The following GPC6 variants were observed in gnomAD, a reference collection of about 807,000 sequenced individuals.
GPC6 encodes glypican 6.
Under a neutral mutation model 55.2 loss-of-function variants are expected in GPC6, and 14 were observed. The observed-to-expected ratio is 0.25, with a 90% CI of 0.17 to 0.40. GPC6 has a LOEUF of 0.40. GPC6 is among the 10% of genes least tolerant of loss of function. The pLI is 1.00. For missense variants in GPC6, 641 were observed against 708.5 expected, an observed-to-expected ratio of 0.90 and a Z score of 1.08; for synonymous variants, 278 against 259.6, an observed-to-expected ratio of 1.07 and a Z score of -0.68.
At chr13:93,773,905 T>A (rs897544442) in intron 2 of GPC6, among the ~76,000 whole-genome samples, 1 of 152,190 alleles carries the variant, frequency 6.6e-6, no homozygotes, top group Admixed American at 6.5e-5. Context: ...AGAGATTTTA[T>A]AGCAGTACGT....
At chr13:93,974,877 G>T (rs1258219513) in intron 3 of GPC6, among the ~76,000 whole-genome samples, 1 of 152,076 alleles carries the variant, frequency 6.6e-6, no homozygotes, top group Admixed American at 6.6e-5. Context: ...TGTAGGCACT[G>T]CTTTTATCCT....
rs539649324 is a variant in GPC6 at position 93,517,901 on chromosome 13, T to C, written c.161-27362T>C. On this transcript the variant is annotated intron_variant, in intron 1 of 8. Coordinates refer to ENST00000377047, the MANE Select transcript of GPC6 (RefSeq NM_005708.5). Reference sequence around the variant, plus strand: ...CTATTCAATGCTTAAAATCAGTGGCTATTTTTCCTTTTCAGCAAATCTCTC... The same window carrying C: ...CTATTCAATGCTTAAAATCAGTGGCCATTTTTCCTTTTCAGCAAATCTCTC... Among the ~76,000 whole-genome samples the C allele has an allele frequency of 3.3e-5, 5 of 152,178 alleles. No homozygotes were observed. In the East Asian group the frequency reaches 9.6e-4, roughly 29 times the overall value.
chr13:93,398,223 G>A (rs551351619), intron 1 of GPC6, among the ~76,000 whole-genome samples: 2 of 152,162 alleles, frequency 1.3e-5, no homozygotes, highest in African/African-American at 2.4e-5. Flanking sequence ...AAGCAAAAAC[G>A]TATGTTCTTT....
intron 4 of GPC6, among the ~76,000 whole-genome samples, chr13:94,042,944 G>T (rs1336221535): frequency 6.6e-6 from 1 of 151,492 alleles, no homozygotes; most frequent in African/African-American, 2.4e-5. Context: ...ATTTATATCG[G>T]TATGAGCTCA....
At chr13:93,446,079 G>C (rs1877985370) in intron 1 of GPC6, among the ~76,000 whole-genome samples, 1 of 152,044 alleles carries the variant, frequency 6.6e-6, no homozygotes. Context: ...AAATCTTCTT[G>C]GGTTTATGAC....
At chr13:94,048,667 G>A (rs1883820913) in intron 4 of GPC6, among the ~76,000 whole-genome samples, 1 of 151,914 alleles carries the variant, frequency 6.6e-6, no homozygotes, top group African/African-American at 2.4e-5. Context: ...AACTTAGTAG[G>A]GGACAAGAAA....
chr13:93,476,582 G>A (rs980546201), intron 1 of GPC6, among the ~76,000 whole-genome samples: 5 of 152,146 alleles, frequency 3.3e-5, no homozygotes, highest in African/African-American at 4.8e-5. Flanking sequence ...GGTGGATAGA[G>A]TTCTTAATAC....
rs543315425 is a variant in GPC6, at chr13:93,607,740, T to C, written c.319+62319T>C. 7.2e-5 allele frequency among the ~76,000 whole-genome samples: 11 copies of C among 152,280 alleles called. No individual in the cohort carries two copies. In the South Asian group the frequency reaches 2.3e-3, roughly 32 times the overall value. ...TAGCGTTCAATTTTCACAGCCTTCATCACCACTGCCCTGTGTGGCTTCAAA... is the reference window on the plus strand; with the variant it reads ...TAGCGTTCAATTTTCACAGCCTTCACCACCACTGCCCTGTGTGGCTTCAAA... On this transcript the variant is annotated intron_variant, in intron 2 of 8. Coordinates refer to ENST00000377047, the MANE Select transcript of GPC6 (RefSeq NM_005708.5).
chr13:93,290,431 A>C (rs1878280931), intron 1 of GPC6, among the ~76,000 whole-genome samples: 1 of 152,128 alleles, frequency 6.6e-6, no homozygotes, highest in South Asian at 2.1e-4. Flanking sequence ...ATGAGGGAAA[A>C]AATGGAGACA....
chr13:94,040,871 T>G (rs1883506559), intron 4 of GPC6, among the ~76,000 whole-genome samples: 2 of 151,962 alleles, frequency 1.3e-5, no homozygotes, highest in Non-Finnish European at 2.9e-5. Flanking sequence ...CTACGTGTCC[T>G]TACTACATTT....
intron 2 of GPC6, among the ~76,000 whole-genome samples, chr13:93,714,017 C>G (rs1258969882): frequency 1.3e-5 from 2 of 151,636 alleles, no homozygotes; most frequent in Non-Finnish European, 3.0e-5. Context: ...TTCTGTTCAT[C>G]AGCCTTGAGA....
chr13:93,524,147 A>G (rs1473402437), intron 1 of GPC6, among the ~76,000 whole-genome samples: 3 of 151,982 alleles, frequency 2.0e-5, no homozygotes, highest in African/African-American at 7.2e-5. Context: ...CTTAAAGACA[A>G]AAATACCCAA....
intron 2 of GPC6, among the ~76,000 whole-genome samples, chr13:93,552,775 A>C (rs922891736): frequency 2.6e-5 from 4 of 152,064 alleles, no homozygotes; most frequent in Non-Finnish European, 5.9e-5. Context: ...CTCTGAAACC[A>C]GTTCTACCAG....
chr13:94,233,212 A>T (rs1890784495), intron 4 of GPC6, among the ~76,000 whole-genome samples: 1 of 151,910 alleles, frequency 6.6e-6, no homozygotes, highest in African/African-American at 2.4e-5. Context: ...TATAAAGGAA[A>T]TTTTTTTGGA....
intron 2 of GPC6, among the ~76,000 whole-genome samples, chr13:93,582,970 C>G (rs1414199987): frequency 6.6e-6 from 1 of 152,102 alleles, no homozygotes; most frequent in Non-Finnish European, 1.5e-5. Context: ...GAGTTCTTCC[C>G]CATAAAACAT....
intron 3 of GPC6, among the ~76,000 whole-genome samples, chr13:93,834,903 T>G (rs1481214942): frequency 6.6e-6 from 1 of 152,184 alleles, no homozygotes; most frequent in Non-Finnish European, 1.5e-5. Flanking sequence ...TTCAGACTAT[T>G]TTTTAGCACT....
chr13:93,790,987 T>G (rs1014241555), intron 2 of GPC6, among the ~76,000 whole-genome samples: 1 of 152,154 alleles, frequency 6.6e-6, no homozygotes, highest in African/African-American at 2.4e-5. Flanking sequence ...TCAGAGGACT[T>G]TATGGAAATG....
intron 2 of GPC6, among the ~76,000 whole-genome samples, chr13:93,744,728 G>C (rs1179075770): frequency 2.0e-5 from 3 of 150,992 alleles, no homozygotes; most frequent in Non-Finnish European, 4.4e-5. Flanking sequence ...TCACGAGTTC[G>C]AGACCAGACT....
intron 3 of GPC6, among the ~76,000 whole-genome samples, chr13:93,899,293 G>A (rs914804970): frequency 6.6e-6 from 1 of 152,066 alleles, no homozygotes; most frequent in African/African-American, 2.4e-5. Flanking sequence ...TGACAAGGGA[G>A]TTAAGTAATT....
Sources: allele counts gnomAD v4.1 joint callset (sites outside exome capture counted in the v4.1 genomes callset), GRCh38; gene constraint gnomAD v4.1.1; transcripts MANE v1.5; gene names NCBI Gene and HGNC (gene_info 2026-07-23, HGNC 2026-07-21).